The following SERINC1 variants were observed in gnomAD, a reference collection of about 807,000 sequenced individuals.
The protein encoded by SERINC1 is tumor differentially expressed protein 2.
Under a neutral mutation model 52.9 loss-of-function variants are expected in SERINC1, and 38 were observed. That is an observed-to-expected ratio of 0.72 (90% CI 0.55 to 0.94). SERINC1 has a LOEUF of 0.94. SERINC1 is among the 40% of genes least tolerant of loss of function. The pLI is 0.00. For missense variants in SERINC1, 471 were observed against 533.9 expected, an observed-to-expected ratio of 0.88 and a Z score of 1.16; for synonymous variants, 198 against 183.1, an observed-to-expected ratio of 1.08 and a Z score of -0.66.
intron 5 of SERINC1, among the ~76,000 whole-genome samples, chr6:122,452,517 T>C (rs1291599649): frequency 6.6e-6 from 1 of 152,224 alleles, no homozygotes; most frequent in African/African-American, 2.4e-5. Flanking sequence ...CCTCATGAAC[T>C]AAAATCTTAA....
At chr6:122,448,455 C>CA (rs1329176229) in intron 7 of SERINC1, among the ~76,000 whole-genome samples, 1 of 152,080 alleles carries the variant, frequency 6.6e-6, no homozygotes, top group Non-Finnish European at 1.5e-5. Flanking sequence ...GAAAAGAGAT[C>CA]ATTTTCTTCT....
In SERINC1 at chr6:122,443,797, A is replaced by G. The variant is rs897995769; in HGVS notation, c.*1247T>C. On this transcript the variant is annotated 3_prime_UTR_variant, in exon 10 of 10. Coordinates refer to ENST00000339697, the MANE Select transcript of SERINC1 (RefSeq NM_020755.4). The stretch of plus-strand genomic sequence containing the variant: ...CAATTATGCATGTATTTTGAATAGA[A>G]ATTATTTTTAAATGTCAGAGAGAAT... The G allele has an allele frequency of 2.0e-5, 3 of 152,164 alleles. No homozygotes were observed. The highest frequency in any genetic ancestry group is 7.2e-5 in the African/African-American group (3 of 41,442). 9.4% of individuals were successfully genotyped at this position (152,164 alleles called of 1,614,324 possible).
intron 2 of SERINC1, among the ~76,000 whole-genome samples, chr6:122,456,911 C>T (rs1034146915): frequency 3.3e-5 from 5 of 152,090 alleles, no homozygotes; most frequent in Non-Finnish European, 7.4e-5. Context: ...TAGATTTATC[C>T]TACATTTTAA....
At chr6:122,470,728 T>C (rs1282986071) in intron 1 of SERINC1, among the ~76,000 whole-genome samples, 1 of 152,050 alleles carries the variant, frequency 6.6e-6, no homozygotes. Context: ...AACGGAATCA[T>C]TTGGGAAGTC....
chr6:122,447,222 A>G lies in SERINC1; in HGVS notation c.894T>C (p.Asn298=), dbSNP rs201837755. ...NPSLLSIIGY[N]TTSTVPKEGQ... ...CTTCCTTTGGGACAGTGCTTGTTGT[A>G]TTGTAGCCAATTATGCTTAGTAGAC... Residue 298 remains asparagine, a synonymous_variant, in exon 8 of 10, where the codon AAT becomes AAC. Transcript: ENST00000339697. The G allele has an allele frequency of 6.1e-5, 98 of 1,612,576 alleles. No homozygotes were observed. The highest frequency in any genetic ancestry group is 8.3e-5 in the Non-Finnish European group (98 of 1,178,786).
intron 1 of SERINC1, among the ~76,000 whole-genome samples, chr6:122,468,404 A>C (rs948051328): frequency 6.6e-6 from 1 of 152,232 alleles, no homozygotes; most frequent in African/African-American, 2.4e-5. Flanking sequence ...ACAATGAAAA[A>C]TGTCTGCAGA....
At chr6:122,446,428 A>G (rs1462427431) in intron 9 of SERINC1, among the ~76,000 whole-genome samples, 1 of 152,156 alleles carries the variant, frequency 6.6e-6, no homozygotes, top group Non-Finnish European at 1.5e-5. Flanking sequence ...ATGACAGTTC[A>G]AACAAAAGAG....
At chr6:122,450,590 T>C (rs1774887458) in intron 7 of SERINC1, among the ~76,000 whole-genome samples, 1 of 152,332 alleles carries the variant, frequency 6.6e-6, no homozygotes, top group Non-Finnish European at 1.5e-5. Flanking sequence ...ATTCCTCTGA[T>C]AGATCTGGGT....
chr6:122,445,883 C>CAAAAAAAAAAAAAAAAAAAAAAAAAAAA (rs71018202), intron 9 of SERINC1, among the ~76,000 whole-genome samples: 2 of 62,836 alleles, frequency 3.2e-5, no homozygotes, highest in African/African-American at 6.6e-5. Context: ...GACTCCATTT[C>CAAAAAAAAAAAAAAAAAAAAAAAAAAAA]AAAAAAAAAA....
At position 122,447,102 on chromosome 6, in the gene SERINC1, AT is replaced by A; in HGVS notation, c.995+18del. On this transcript the variant is annotated intron_variant, in intron 8 of 9. Transcript: ENST00000339697. The stretch of plus-strand genomic sequence containing the variant: ...CTAGACTTCTTGTTTAAAGAAAAAA[AT>A]TCCATAGTTTTTCCTACCTGGAATA... 1 of 1,602,184 alleles carries A rather than the reference AT, an allele frequency of 6.2e-7. No homozygotes were observed. Among genetic ancestry groups the A allele is most frequent in the Non-Finnish European group, 8.5e-7 (1 of 1,173,434 alleles).
intron 2 of SERINC1, among the ~76,000 whole-genome samples, chr6:122,457,340 G>A (rs1167386758): frequency 6.6e-6 from 1 of 152,176 alleles, no homozygotes; most frequent in Non-Finnish European, 1.5e-5. Context: ...CACTCTGAAT[G>A]ATCTTCAGCA....
chr6:122,447,149 G>A lies in SERINC1; in HGVS notation c.967C>T (p.Leu323Phe). 6.2e-7 allele frequency: 1 copy of A among 1,613,350 alleles called. No individual in the cohort carries two copies. Among genetic ancestry groups the A allele is most frequent in the Non-Finnish European group, 8.5e-7 (1 of 1,179,440 alleles). Residue 323 changes from leucine to phenylalanine, a missense_variant, in exon 8 of 10, where the codon CTC becomes TTC. Transcript: ENST00000339697. Reference protein sequence around the residue: ...WHAQGIIGLILFLLCVFYSSI... With the variant: ...WHAQGIIGLIFFLLCVFYSSI... Reference sequence around the variant, plus strand: ...GAATAAAATACACACAACAAAAAGAGAATTAGTCCTATAATTCCTTGAGCA... The same window carrying A: ...GAATAAAATACACACAACAAAAAGAAAATTAGTCCTATAATTCCTTGAGCA...
In SERINC1 at chr6:122,443,522, A is replaced by C. The variant is rs566652375; in HGVS notation, c.*1522T>G. On this transcript the variant is annotated 3_prime_UTR_variant, in exon 10 of 10. Coordinates refer to ENST00000339697, the MANE Select transcript of SERINC1 (RefSeq NM_020755.4). ...GATTTTAAAAGCTTCATTAGACACTAGTGACACATACAAATAACTAAACTC... is the reference window on the plus strand; with the variant it reads ...GATTTTAAAAGCTTCATTAGACACTCGTGACACATACAAATAACTAAACTC... The C allele has an allele frequency of 6.6e-6, 1 of 152,368 alleles. No individual in the cohort carries two copies. Among genetic ancestry groups the C allele is most frequent in the South Asian group, 2.1e-4 (1 of 4,830 alleles). The allele number at this position is 152,368 out of a possible 1,614,324, so 9.4% of individuals were successfully genotyped here.
intron 1 of SERINC1, among the ~76,000 whole-genome samples, chr6:122,469,510 T>C (rs1562218465): frequency 1.3e-5 from 2 of 151,340 alleles, no homozygotes; most frequent in Non-Finnish European, 2.9e-5. Flanking sequence ...CCGAGTGGGA[T>C]TACAGGTGTG....
Position 122,459,260 on chromosome 6 carries a change from A to G in SERINC1, c.40-579T>C, listed in dbSNP as rs1376144507. On this transcript the variant is annotated intron_variant, in intron 1 of 9. Transcript: ENST00000339697. ...CACACTAAACTAGCAGTATGCCCCC[A>G]AGGGAACAGAATATCTTCCTGTCTA... Among the ~76,000 whole-genome samples, 4 of 152,214 alleles carry G rather than the reference A, an allele frequency of 2.6e-5. No homozygotes were observed. The East Asian group carries it at 7.7e-4, about 29-fold the overall frequency.
chr6:122,460,071 GATTA>G (rs1446930646), intron 1 of SERINC1, among the ~76,000 whole-genome samples: 3 of 151,980 alleles, frequency 2.0e-5, no homozygotes, highest in Non-Finnish European at 4.4e-5. Flanking sequence ...TTATTTTATT[GATTA>G]ATTGATTGAT....
chr6:122,471,629 G>A, intron 1 of SERINC1, 70 bp downstream of exon 1: 1 of 1,599,540 alleles, frequency 6.3e-7, no homozygotes, highest in Non-Finnish European at 8.6e-7. Flanking sequence ...GGCTCACCCA[G>A]CCCCGGCTCG....
rs779358710 is a variant in SERINC1 at position 122,447,208 on chromosome 6, A to C, written c.908T>G (p.Val303Gly). Reference sequence around the variant, plus strand: ...CTGGACTGACTGCCCTTCCTTTGGGACAGTGCTTGTTGTATTGTAGCCAAT... The same window carrying C: ...CTGGACTGACTGCCCTTCCTTTGGGCCAGTGCTTGTTGTATTGTAGCCAAT... Reference protein sequence around the residue: ...SIIGYNTTSTVPKEGQSVQWW... With the variant: ...SIIGYNTTSTGPKEGQSVQWW... The change falls in exon 8 of 10, where the codon GTC becomes GGC. Residue 303 changes from valine (V) to glycine (G), a missense_variant. Val to Gly is a moderately radical substitution (Grantham distance 109). Transcript: ENST00000339697. 6 of 1,612,572 alleles carry C rather than the reference A, an allele frequency of 3.7e-6. No individual in the cohort carries two copies. In the African/African-American group the frequency reaches 8.0e-5, roughly 22 times the overall value.
At chr6:122,455,666 G>GA (rs1774980646) in intron 3 of SERINC1, among the ~76,000 whole-genome samples, 1 of 152,016 alleles carries the variant, frequency 6.6e-6, no homozygotes, top group African/African-American at 2.4e-5. Flanking sequence ...TTGATTATCA[G>GA]AAAAAACAAC....
Sources: gnomAD v4.1 joint callset for allele counts (sites outside exome capture counted in the v4.1 genomes callset) on GRCh38, gnomAD v4.1.1 for gene constraint, MANE v1.5 for transcripts, NCBI Gene and HGNC (gene_info 2026-07-23, HGNC 2026-07-21) for gene names.